The following FGD4 variants were observed in gnomAD, a reference collection of about 807,000 sequenced individuals.
FGD4 encodes the protein FYVE, RhoGEF and PH domain containing 4.
In FGD4, 42 loss-of-function variants were observed where a neutral mutation model predicts 102.0. That is an observed-to-expected ratio of 0.41 (90% CI 0.32 to 0.53). The LOEUF (loss-of-function observed/expected upper bound fraction) is 0.53, where lower values mean the gene tolerates loss of function less well. Ranked by LOEUF, FGD4 falls within the 20% of genes least tolerant of loss-of-function variation. The pLI is 0.21. For missense variants in FGD4, 902 were observed against 1,078.2 expected, an observed-to-expected ratio of 0.84 and a Z score of 2.29; for synonymous variants, 380 against 375.7, an observed-to-expected ratio of 1.01 and a Z score of -0.13.
intron 1 of FGD4, among the ~76,000 whole-genome samples, chr12:32,406,016 T>G (rs1940916372): frequency 1.3e-5 from 2 of 152,074 alleles, no homozygotes; most frequent in Admixed American, 6.6e-5. Context: ...CGATCTTGAC[T>G]CACTGCAACC....
chr12:32,640,285 G>C lies in FGD4; in HGVS notation c.2464G>C (p.Ala822Pro), dbSNP rs1338204999. ...YMYGAPQDVR[A>P]QATIPLLGYV... Reference sequence around the variant, plus strand: ...GATGTCTTTTCTTTAGGACGTCAGAGCCCAGGCCACCATTCCACTTCTGGG... The same window carrying C: ...GATGTCTTTTCTTTAGGACGTCAGACCCCAGGCCACCATTCCACTTCTGGG... The change falls in exon 17 of 17, where the codon GCC becomes CCC. Residue 822 changes from alanine to proline, a missense_variant. Physicochemically the swap from Ala to Pro is conservative, Grantham distance 27 (BLOSUM62 -1). Transcript: ENST00000534526. 6.2e-7 allele frequency: 1 copy of C among 1,614,212 alleles called. No individual in the cohort carries two copies. The highest frequency in any genetic ancestry group is 2.2e-5 in the East Asian group (1 of 44,892).
intron 1 of FGD4, among the ~76,000 whole-genome samples, chr12:32,427,348 G>A (rs923610507): frequency 1.3e-5 from 2 of 152,196 alleles, no homozygotes; most frequent in African/African-American, 4.8e-5. Context: ...GGAGTAGGTT[G>A]TTCGGTTTCC....
At chr12:32,511,559 C>T (rs542260790) in intron 1 of FGD4, among the ~76,000 whole-genome samples, 1 of 152,228 alleles carries the variant, frequency 6.6e-6, no homozygotes, top group African/African-American at 2.4e-5. Flanking sequence ...GCCTCGGCCT[C>T]CCAAAGTACT....
At chr12:32,572,176 T>C (rs1945731284) in intron 2 of FGD4, among the ~76,000 whole-genome samples, 1 of 152,200 alleles carries the variant, frequency 6.6e-6, no homozygotes. Flanking sequence ...AATAGACATG[T>C]TGTTTTCATT....
intron 14 of FGD4, among the ~76,000 whole-genome samples, chr12:32,631,536 G>T (rs1238060043): frequency 7.7e-6 from 1 of 130,230 alleles, no homozygotes; most frequent in African/African-American, 3.0e-5. Flanking sequence ...GCGGAGTCTC[G>T]CTCTGTCACC....
At chr12:32,472,641 C>T (rs956220788) in intron 1 of FGD4, among the ~76,000 whole-genome samples, 1 of 152,252 alleles carries the variant, frequency 6.6e-6, no homozygotes, top group African/African-American at 2.4e-5. Context: ...CCACGGCGCC[C>T]AGTCCCATCG....
intron 1 of FGD4, among the ~76,000 whole-genome samples, chr12:32,422,288 CTTTTTTTT>C (rs770560590): frequency 2.1e-3 from 112 of 54,164 alleles, no homozygotes; most frequent in South Asian, 0.019. Context: ...TTGGGAGCTG[CTTTTTTTT>C]TTTTTTTTTT....
intron 1 of FGD4, among the ~76,000 whole-genome samples, chr12:32,520,637 C>T (rs995738423): frequency 2.6e-5 from 4 of 151,860 alleles, no homozygotes; most frequent in Non-Finnish European, 4.4e-5. Flanking sequence ...AGGGTTTCAC[C>T]GTGTTAGCCA....
At chr12:32,627,892 G>A (rs1188744406) in intron 14 of FGD4, among the ~76,000 whole-genome samples, 1 of 152,156 alleles carries the variant, frequency 6.6e-6, no homozygotes, top group Non-Finnish European at 1.5e-5. Context: ...CGGGGTCAGT[G>A]GACAGAAGAA....
At chr12:32,633,769 G>A (rs1950632179) in intron 15 of FGD4, 80 bp downstream of exon 15, 1 of 1,295,788 alleles carries the variant, frequency 7.7e-7, no homozygotes, top group Non-Finnish European at 1.1e-6. Context: ...AGGCTGAGGT[G>A]CAGTGGCACG....
chr12:32,546,989 T>C (rs148252600), intron 1 of FGD4, among the ~76,000 whole-genome samples: 3 of 152,332 alleles, frequency 2.0e-5, no homozygotes, highest in Non-Finnish European at 2.9e-5. Context: ...CTGGGTATTT[T>C]GAAGCTCCTA....
In FGD4 at chr12:32,610,198, T is replaced by G. The variant is rs2136755040; in HGVS notation, c.1544-578T>G. Among the ~76,000 whole-genome samples, 2 of 152,370 alleles carry G rather than the reference T, an allele frequency of 1.3e-5. 1 individual carries two copies. Among genetic ancestry groups the G allele is most frequent in the South Asian group, 4.1e-4 (2 of 4,832 alleles). On this transcript the variant is annotated intron_variant, in intron 8 of 16. Transcript: ENST00000534526. ...CTGGCCCTTCAATAGCATAGCTGTGTGACCTCAGCCAAGTTGTATTACTTC... is the reference window on the plus strand; with the variant it reads ...CTGGCCCTTCAATAGCATAGCTGTGGGACCTCAGCCAAGTTGTATTACTTC...
Position 32,624,459 on chromosome 12 carries a change from C to T in FGD4, c.1953+7C>T, listed in dbSNP as rs1408854259. The T allele has an allele frequency of 3.8e-6, 6 of 1,596,512 alleles. No individual in the cohort carries two copies. Among genetic ancestry groups the T allele is most frequent in the Non-Finnish European group, 5.1e-6 (6 of 1,170,146 alleles). ...CAAAGAAGAATGGATCAAGGTAAGC[C>T]TCATTTCTGTTTCCTTTTCTTTCTT... On this transcript the variant is annotated splice_region_variant and intron_variant, in intron 12 of 16. Coordinates refer to ENST00000534526, the MANE Select transcript of FGD4 (RefSeq NM_001370298.3).
At position 32,480,891 on chromosome 12, in the gene FGD4, C is replaced by T. The variant is rs568687695; in HGVS notation, c.166+80932C>T. Among the ~76,000 whole-genome samples the T allele has an allele frequency of 1.2e-4, 18 of 151,052 alleles. 1 individual carries two copies. Among genetic ancestry groups the T allele is most frequent in the Middle Eastern group, 3.4e-3 (1 of 294 alleles). ...CCATTATGGCTCACTACAGCCTTGA[C>T]GTCCTGGGCTTAAATGATGCTCTCA... On this transcript the variant is annotated intron_variant, in intron 1 of 16. Transcript: ENST00000534526.
At chr12:32,555,567 G>A (rs1274932980) in intron 1 of FGD4, among the ~76,000 whole-genome samples, 5 of 142,768 alleles carry the variant, frequency 3.5e-5, no homozygotes, top group Admixed American at 6.9e-5. Context: ...AAGAGACAAG[G>A]TCTTTTTTTT....
intron 1 of FGD4, among the ~76,000 whole-genome samples, chr12:32,408,086 A>C (rs1941023408): frequency 6.8e-6 from 1 of 146,864 alleles, no homozygotes; most frequent in Admixed American, 6.9e-5. Context: ...TGCAAATTTC[A>C]CCTCCCAGGT....
At chr12:32,623,370 TA>T (rs1168898295) in intron 11 of FGD4, among the ~76,000 whole-genome samples, 3 of 152,134 alleles carry the variant, frequency 2.0e-5, no homozygotes, top group Non-Finnish European at 2.9e-5. Context: ...ATTTTTTTTT[TA>T]TTTTGAGAAG....
At chr12:32,490,584 A>C (rs1432835867) in intron 1 of FGD4, among the ~76,000 whole-genome samples, 1 of 151,986 alleles carries the variant, frequency 6.6e-6, no homozygotes, top group African/African-American at 2.4e-5. Flanking sequence ...TTTTTAGCAA[A>C]GACAGGGTTT....
intron 3 of FGD4, among the ~76,000 whole-genome samples, chr12:32,579,367 C>T (rs1946412156): frequency 6.6e-6 from 1 of 152,092 alleles, no homozygotes; most frequent in Admixed American, 6.5e-5. Flanking sequence ...TTCCCATGGA[C>T]ACTCCAAGGT....
Sources: allele counts gnomAD v4.1 joint callset (sites outside exome capture counted in the v4.1 genomes callset), GRCh38; gene constraint gnomAD v4.1.1; transcripts MANE v1.5; gene names NCBI Gene and HGNC (gene_info 2026-07-23, HGNC 2026-07-21).